The following ASB15 variants were observed in gnomAD, a reference collection of about 807,000 sequenced individuals.
ASB15 encodes the protein ankyrin repeat and SOCS box containing 15, also known as ankyrin repeat and SOCS box protein 15.
ASB15 carries 54 observed loss-of-function variants against 58.0 expected under a neutral mutation model. That is an observed-to-expected ratio of 0.93 (90% CI 0.75 to 1.17). The LOEUF (loss-of-function observed/expected upper bound fraction) is 1.17, where lower values mean the gene tolerates loss of function less well. ASB15 is among the 50% of genes most tolerant of loss of function. ASB15 has a pLI of 0.00. For missense variants in ASB15, 680 were observed against 707.4 expected (o/e 0.96, Z 0.44); for synonymous variants, 249 against 262.4 (o/e 0.95, Z 0.50).
chr7:123,592,410 T>C (rs1799564943), intron 1 of ASB15, among the ~76,000 whole-genome samples: 1 of 152,238 alleles, frequency 6.6e-6, no homozygotes, highest in South Asian at 2.1e-4. Context: ...CTGCTTTCTC[T>C]TGTGGGCATT....
Position 123,616,443 on chromosome 7 carries a change from G to T in ASB15, c.240G>T (p.Leu80Phe). The T allele has an allele frequency of 6.2e-7, 1 of 1,611,472 alleles. No homozygotes were observed. The highest frequency in any genetic ancestry group is 1.1e-5 in the South Asian group (1 of 90,964). The change falls in exon 6 of 12, where the codon TTG becomes TTT. Residue 80 changes from leucine to phenylalanine, a missense_variant. Transcript: ENST00000451215. The stretch of plus-strand genomic sequence containing the variant: ...CTGATGAAAAAGGATGGTTTCCATT[G>T]CATGAAGCTGTTGTTCAACCCATTC... Reference protein sequence around the residue: ...DEADEKGWFPLHEAVVQPIQQ... With the variant: ...DEADEKGWFPFHEAVVQPIQQ...
At chr7:123,621,783 GT>G (rs1169781037) in intron 7 of ASB15, among the ~76,000 whole-genome samples, 1 of 152,094 alleles carries the variant, frequency 6.6e-6, no homozygotes, top group Admixed American at 6.6e-5. Flanking sequence ...TATCTGATTT[GT>G]GATGATCTGA....
At chr7:123,597,956 G>GTGTGTGTGTGTA (rs1799752113), upstream of ASB15, among the ~76,000 whole-genome samples, 3 of 151,206 alleles carry the variant, frequency 2.0e-5, no homozygotes, top group Non-Finnish European at 4.4e-5. Context: ...GTGTGTGTGT[G>GTGTGTGTGTGTA]TGTGTCTTTG....
At chr7:123,572,229 C>T (rs1438133290) in intron 1 of ASB15, among the ~76,000 whole-genome samples, 2 of 146,758 alleles carry the variant, frequency 1.4e-5, no homozygotes, top group Non-Finnish European at 3.0e-5. Context: ...GCAACCTCTG[C>T]CTCCTGGGTT....
intron 1 of ASB15, among the ~76,000 whole-genome samples, chr7:123,581,414 T>TAAA (rs10642389): frequency 0.21 from 26,510 of 123,884 alleles, 2,846 homozygotes; most frequent in East Asian, 0.37. Context: ...AGTGAGCACT[T>TAAA]AAAAAAAAAA....
chr7:123,634,346 C>T (rs1802302571), intron 11 of ASB15, among the ~76,000 whole-genome samples: 1 of 152,164 alleles, frequency 6.6e-6, no homozygotes, highest in Admixed American at 6.5e-5. Flanking sequence ...ATAATGGTTT[C>T]CAAATCCATC....
chr7:123,606,713 C>T (rs910129246), intron 2 of ASB15, among the ~76,000 whole-genome samples: 1 of 152,264 alleles, frequency 6.6e-6, no homozygotes, highest in African/African-American at 2.4e-5. Flanking sequence ...ATATTTGTCT[C>T]TCTGTACCTG....
intron 7 of ASB15, 107 bp downstream of exon 7, chr7:123,617,844 C>A: frequency 8.9e-7 from 1 of 1,125,196 alleles, no homozygotes; most frequent in Non-Finnish European, 1.2e-6. Context: ...TCCTTCCATT[C>A]CCTGAGCTAC....
upstream of ASB15, among the ~76,000 whole-genome samples, chr7:123,600,600 A>T (rs1366861962): frequency 2.0e-5 from 3 of 152,238 alleles, no homozygotes; most frequent in Non-Finnish European, 4.4e-5. Flanking sequence ...AATAATGATA[A>T]AATGTAGACA....
chr7:123,581,015 C>T (rs1799219492), intron 1 of ASB15, among the ~76,000 whole-genome samples: 1 of 151,950 alleles, frequency 6.6e-6, no homozygotes, highest in Admixed American at 6.6e-5. Flanking sequence ...GTGTGACTCT[C>T]CTTCCACTAG....
intron 1 of ASB15, among the ~76,000 whole-genome samples, chr7:123,589,497 T>C (rs1421201662): frequency 6.6e-6 from 1 of 151,810 alleles, no homozygotes; most frequent in Non-Finnish European, 1.5e-5. Context: ...CAGCCCCTGG[T>C]GTGTGATGTT....
At position 123,613,689 on chromosome 7, in the gene ASB15, A is replaced by G. The variant is rs551179118; in HGVS notation, c.-2-812A>G. On this transcript the variant is annotated intron_variant, in intron 3 of 11. Transcript: ENST00000451215. The stretch of plus-strand genomic sequence containing the variant: ...ATGAAGTTAAAATGGTCCTTATAAC[A>G]ATGTTCAAATGATGCTCTGAGACCA... Among the ~76,000 whole-genome samples the G allele has an allele frequency of 3.9e-5, 6 of 152,258 alleles. No homozygotes were observed. In the East Asian group the frequency reaches 7.7e-4, roughly 20 times the overall value.
chr7:123,580,225 G>C (rs570508214), intron 1 of ASB15, among the ~76,000 whole-genome samples: 1 of 152,008 alleles, frequency 6.6e-6, no homozygotes, highest in Non-Finnish European at 1.5e-5. Flanking sequence ...CGTTTTGCCT[G>C]TTCAGAGAGC....
intron 1 of ASB15, among the ~76,000 whole-genome samples, chr7:123,588,988 G>C (rs1437054489): frequency 6.6e-6 from 1 of 151,742 alleles, no homozygotes; most frequent in Non-Finnish European, 1.5e-5. Context: ...GGCCTAACAT[G>C]ATCTATCCTG....
intron 7 of ASB15, chr7:123,620,297 C>A (rs1468795767): frequency 6.6e-6 from 1 of 151,630 alleles, no homozygotes; most frequent in African/African-American, 2.4e-5. Context: ...ATACTTGGGG[C>A]TTCTGTAGCT....
chr7:123,590,230 C>G (rs114873076), intron 1 of ASB15, among the ~76,000 whole-genome samples: 3 of 149,680 alleles, frequency 2.0e-5, no homozygotes, highest in African/African-American at 7.4e-5. Flanking sequence ...CACCCTTTGT[C>G]AGATGGATAG....
In ASB15 at chr7:123,614,555, A is replaced by G; in HGVS notation, c.53A>G (p.Gln18Arg). ...DEDHLTSYDI[Q>R]LSIQESIEAS... ...GACCATCTTACAAGTTATGATATTCAGCTAAGTATTCAAGAATCCATTGAA... is the reference window on the plus strand; with the variant it reads ...GACCATCTTACAAGTTATGATATTCGGCTAAGTATTCAAGAATCCATTGAA... Residue 18 changes from glutamine (Q) to arginine (R), a missense_variant, in exon 4 of 12, where the codon CAG (glutamine) becomes CGG (arginine). Transcript: ENST00000451215. The G allele has an allele frequency of 6.2e-7, 1 of 1,611,802 alleles. No homozygotes were observed. Among genetic ancestry groups the G allele is most frequent in the Non-Finnish European group, 8.5e-7 (1 of 1,178,128 alleles).
chr7:123,567,294 G>C (rs149299462), intron 1 of ASB15, among the ~76,000 whole-genome samples: 2 of 152,262 alleles, frequency 1.3e-5, no homozygotes, highest in East Asian at 3.9e-4. Flanking sequence ...AGGTGGGAGA[G>C]AGTTGCCAGA....
intron 1 of ASB15, among the ~76,000 whole-genome samples, chr7:123,579,560 C>T (rs1347882121): frequency 6.6e-6 from 1 of 151,980 alleles, no homozygotes; most frequent in Admixed American, 6.6e-5. Context: ...CCCACTGTAG[C>T]CTGAGGGCTT....
Sources: allele counts gnomAD v4.1 joint callset (sites outside exome capture counted in the v4.1 genomes callset), GRCh38; gene constraint gnomAD v4.1.1; transcripts MANE v1.5; gene names NCBI Gene and HGNC (gene_info 2026-07-23, HGNC 2026-07-21).